Variants in TNPO1 observed in about 807,000 individuals in gnomAD.
The protein encoded by TNPO1 is transportin-1.
Under a neutral mutation model 119.5 loss-of-function variants are expected in TNPO1, and 8 were observed. The ratio of observed to expected loss-of-function variants is 0.07; its 90% CI spans 0.04 to 0.12. The LOEUF is 0.12. Among genes scored for constraint, TNPO1 ranks in the 10% least tolerant of loss-of-function variants. The pLI, the probability that TNPO1 is intolerant of heterozygous loss-of-function variation, is 1.00. For missense variants in TNPO1, 576 were observed against 1,089.8 expected (o/e 0.53, Z 6.64); for synonymous variants, 362 against 363.0 (o/e 1.00, Z 0.03).
At chr5:72,866,463 TA>T (rs557870949) in intron 6 of TNPO1, among the ~76,000 whole-genome samples, 1 of 152,142 alleles carries the variant, frequency 6.6e-6, no homozygotes, top group East Asian at 1.9e-4. Context: ...TTCTCAGTAA[TA>T]AAAAAACAGC....
Position 72,906,275 on chromosome 5 carries a change from CTTTTTTTTTTTTTTTTTTTT to C in TNPO1, c.*35+849_*35+868del, listed in dbSNP as rs869051297. On this transcript the variant is annotated intron_variant, in intron 24 of 24. Coordinates refer to ENST00000337273, the MANE Select transcript of TNPO1 (RefSeq NM_002270.4). ...CCATGTGCCCATCACTTTTTTTTTT[CTTTTTTTTTTTTTTTTTTTT>C]TTTTTTTTTTTTTTTTTTGAGACAG... 6.4e-3 allele frequency among the ~76,000 whole-genome samples: 348 copies of C among 54,716 alleles called. 2 individuals are homozygous for C. Among genetic ancestry groups the C allele is most frequent in the African/African-American group, 0.021 (315 of 14,716 alleles). 35.9% of individuals were successfully genotyped at this position (54,716 alleles called of 152,430 possible). A position where few individuals can be genotyped will look rare whatever the true frequency, so the allele number is the denominator to read the frequency against.
intron 8 of TNPO1, among the ~76,000 whole-genome samples, chr5:72,876,544 C>T (rs1209361682): frequency 6.6e-6 from 1 of 152,050 alleles, no homozygotes; most frequent in African/African-American, 2.4e-5. Context: ...ACTTTAAATA[C>T]GTGAAAGTCT....
chr5:72,875,304 T>C (rs761592926), intron 7 of TNPO1, among the ~76,000 whole-genome samples: 2 of 152,220 alleles, frequency 1.3e-5, no homozygotes. Flanking sequence ...GGAATAGTCT[T>C]TTGTCTCTGC....
At chr5:72,884,554 A>G (rs1339647136) in intron 11 of TNPO1, among the ~76,000 whole-genome samples, 1 of 152,110 alleles carries the variant, frequency 6.6e-6, no homozygotes, top group African/African-American at 2.4e-5. Context: ...ATGCTTCTTA[A>G]AATATGTTAA....
intron 13 of TNPO1, among the ~76,000 whole-genome samples, chr5:72,888,940 T>G (rs765868704): frequency 3.9e-4 from 60 of 152,232 alleles, no homozygotes; most frequent in Non-Finnish European, 6.5e-4. Context: ...GCAATATACC[T>G]TTATATTTTA....
chr5:72,884,495 T>C (rs1169475941), intron 11 of TNPO1, among the ~76,000 whole-genome samples: 1 of 152,252 alleles, frequency 6.6e-6, no homozygotes, highest in Non-Finnish European at 1.5e-5. Flanking sequence ...TGCTTTATTA[T>C]ATTCAAATTT....
chr5:72,904,422 C>CTGCTT (rs2112501536), intron 23 of TNPO1, among the ~76,000 whole-genome samples: 1 of 152,300 alleles, frequency 6.6e-6, no homozygotes, highest in South Asian at 2.1e-4. Context: ...CTAAACTTCT[C>CTGCTT]AAAGCAGAGT....
chr5:72,856,609 T>C (rs568261997), intron 4 of TNPO1, among the ~76,000 whole-genome samples: 1 of 152,356 alleles, frequency 6.6e-6, no homozygotes, highest in South Asian at 2.1e-4. Flanking sequence ...ACTTTTTAAT[T>C]GCTTATGAAA....
At chr5:72,857,964 T>G (rs1215199659) in intron 4 of TNPO1, among the ~76,000 whole-genome samples, 1 of 152,260 alleles carries the variant, frequency 6.6e-6, no homozygotes, top group African/African-American at 2.4e-5. Context: ...CAGAGATTGG[T>G]GAAATTGACT....
intron 12 of TNPO1, among the ~76,000 whole-genome samples, chr5:72,887,462 G>A (rs1339906083): frequency 6.6e-6 from 1 of 152,184 alleles, no homozygotes; most frequent in Non-Finnish European, 1.5e-5. Context: ...GGCTTAGGCG[G>A]GTGGATTACC....
At chr5:72,903,906 T>A in intron 23 of TNPO1, 123 bp downstream of exon 23, 1 of 600,600 alleles carries the variant, frequency 1.7e-6, no homozygotes, top group Non-Finnish European at 2.9e-6. Flanking sequence ...ATAGTTTACA[T>A]ATATAACCTT....
chr5:72,865,563 C>T (rs967687757), intron 5 of TNPO1, 33 bp from the exon 6 acceptor site: 3 of 1,605,472 alleles, frequency 1.9e-6, no homozygotes, highest in East Asian at 4.5e-5. Flanking sequence ...TCATTTTTAA[C>T]AAATTCTGAT....
Position 72,889,817 on chromosome 5 carries a change from A to G in TNPO1, c.1561A>G (p.Thr521Ala). ...AFATLEEEAC[T>A]ELVPYLAYIL... ...TGCTACCCTAGAAGAGGAGGCTTGT[A>G]CAGAACTTGTTCCTTACCTTGCTTA... The change falls in exon 14 of 25, where the codon ACA (threonine) becomes GCA (alanine). Residue 521 changes from threonine (T) to alanine (A), a missense_variant. By Grantham distance (58) the Thr-to-Ala change is moderately conservative (BLOSUM62 0). Around this residue, in one of 6 missense-constraint regions of TNPO1, gnomAD observed 310 missense variants for 583.0 expected, o/e 0.53. Transcript: ENST00000337273. 1.2e-6 allele frequency: 2 copies of G among 1,611,116 alleles called. No homozygotes were observed. The highest frequency in any genetic ancestry group is 1.7e-6 in the Non-Finnish European group (2 of 1,179,042).
intron 6 of TNPO1, among the ~76,000 whole-genome samples, chr5:72,868,885 G>T (rs1747159047): frequency 1.3e-5 from 2 of 152,084 alleles, no homozygotes. Context: ...GCGGGTGCTT[G>T]TAATCCTAGC....
intron 1 of TNPO1, among the ~76,000 whole-genome samples, chr5:72,818,326 A>G (rs1408702769): frequency 6.6e-6 from 1 of 152,246 alleles, no homozygotes; most frequent in Non-Finnish European, 1.5e-5. Context: ...TTGTAAAAAT[A>G]CATGATTCTA....
At chr5:72,869,752 C>G (rs1028346881) in intron 6 of TNPO1, among the ~76,000 whole-genome samples, 1 of 152,084 alleles carries the variant, frequency 6.6e-6, no homozygotes, top group Non-Finnish European at 1.5e-5. Context: ...AGGAAGAGAT[C>G]ATATTGGAGA....
At chr5:72,822,807 T>G (rs1160949414) in intron 1 of TNPO1, among the ~76,000 whole-genome samples, 1 of 151,696 alleles carries the variant, frequency 6.6e-6, no homozygotes, top group Non-Finnish European at 1.5e-5. Flanking sequence ...TGTGCAGGCG[T>G]GTCTCCAACT....
At chr5:72,876,687 A>G (rs1373126357) in intron 8 of TNPO1, among the ~76,000 whole-genome samples, 2 of 152,138 alleles carry the variant, frequency 1.3e-5, no homozygotes, top group Non-Finnish European at 2.9e-5. Context: ...CAGTAGTATC[A>G]TAAAAAAACT....
At chr5:72,829,721 G>A (rs987825570) in intron 1 of TNPO1, among the ~76,000 whole-genome samples, 1 of 152,198 alleles carries the variant, frequency 6.6e-6, no homozygotes. Context: ...ATGAGAGTAT[G>A]TGATTGGTGT....
Sources: gnomAD v4.1 joint callset for allele counts (sites outside exome capture counted in the v4.1 genomes callset) on GRCh38, gnomAD v4.1.1 for gene constraint, gnomAD v4.1.1 regional missense constraint, MANE v1.5 for transcripts, NCBI Gene and HGNC (gene_info 2026-07-23, HGNC 2026-07-21) for gene names.